Variants in NRG1 observed in about 807,000 individuals in gnomAD.
The protein encoded by NRG1 is neuregulin 1.
NRG1 carries 18 observed loss-of-function variants against 63.8 expected under a neutral mutation model. That is an observed-to-expected ratio of 0.28 (90% CI 0.19 to 0.42). The LOEUF (loss-of-function observed/expected upper bound fraction) is 0.42. Among genes scored for constraint, NRG1 ranks in the 10% least tolerant of loss-of-function variants. NRG1 has a pLI of 1.00. For missense variants in NRG1, 762 were observed against 814.7 expected, an observed-to-expected ratio of 0.94 and a Z score of 0.79; for synonymous variants, 302 against 301.3, an observed-to-expected ratio of 1.00 and a Z score of -0.02.
intron 1 of NRG1, among the ~76,000 whole-genome samples, chr8:32,236,357 C>T (rs1295512413): frequency 1.3e-5 from 2 of 152,132 alleles, no homozygotes; most frequent in Non-Finnish European, 2.9e-5. Context: ...CTGCTGCATA[C>T]AACTTCCTTC....
At chr8:32,592,297 T>A (rs1780883574) in intron 1 of NRG1, among the ~76,000 whole-genome samples, 1 of 152,186 alleles carries the variant, frequency 6.6e-6, no homozygotes, top group Non-Finnish European at 1.5e-5. Context: ...AATTTAACTT[T>A]GATACAATAT....
intron 1 of NRG1, among the ~76,000 whole-genome samples, chr8:32,501,239 A>G (rs985932361): frequency 2.0e-5 from 3 of 152,224 alleles, no homozygotes; most frequent in East Asian, 1.9e-4. Context: ...TTTCTCTGAC[A>G]TACAGGATTT....
intron 1 of NRG1, among the ~76,000 whole-genome samples, chr8:31,902,712 TTGG>T (rs1832188781): frequency 6.6e-6 from 1 of 152,346 alleles, no homozygotes; most frequent in African/African-American, 2.4e-5. Flanking sequence ...TACATGCTTC[TTGG>T]TGGGTTTTAA....
chr8:31,802,043 G>A (rs1482795714), intron 1 of NRG1, among the ~76,000 whole-genome samples: 1 of 152,054 alleles, frequency 6.6e-6, no homozygotes, highest in Non-Finnish European at 1.5e-5. Flanking sequence ...ATTCATCACC[G>A]GTATTAAACA....
intron 1 of NRG1, among the ~76,000 whole-genome samples, chr8:32,394,424 AC>A: frequency 6.6e-6 from 1 of 152,104 alleles, no homozygotes; most frequent in African/African-American, 2.4e-5. Flanking sequence ...TCTGTCACTA[AC>A]CTTTAGTCCC....
Position 31,828,383 on chromosome 8 carries a change from A to C in NRG1, c.37+188952A>C, listed in dbSNP as rs572011117. On this transcript the variant is annotated intron_variant, in intron 1 of 10. Coordinates refer to the NRG1 transcript ENST00000519301. ...TGACTGAGCTGGAGCCTGCAAAAGT[A>C]ACTGTAGTCAAATTAGTTACATTAA... Among the ~76,000 whole-genome samples the C allele has an allele frequency of 2.6e-5, 4 of 152,326 alleles. No individual in the cohort carries two copies. In the East Asian group the frequency reaches 5.8e-4, roughly 22 times the overall value.
intron 5 of NRG1, among the ~76,000 whole-genome samples, chr8:32,716,334 A>C (rs919027048): frequency 2.6e-5 from 4 of 152,204 alleles, no homozygotes; most frequent in Non-Finnish European, 4.4e-5. Flanking sequence ...TGAGGAACCG[A>C]ATTGGAAGAA....
At chr8:31,679,648 T>C (rs1320304650) in intron 1 of NRG1, among the ~76,000 whole-genome samples, 1 of 152,138 alleles carries the variant, frequency 6.6e-6, no homozygotes, top group Non-Finnish European at 1.5e-5. Flanking sequence ...TACAAACAAG[T>C]TAATACATCT....
intron 1 of NRG1, among the ~76,000 whole-genome samples, chr8:32,060,233 G>C (rs1256908470): frequency 6.7e-6 from 1 of 150,346 alleles, no homozygotes; most frequent in Non-Finnish European, 1.5e-5. Context: ...TATTATTCTT[G>C]CTGGTCTATT....
chr8:32,108,573 A>G (rs1170119295), intron 1 of NRG1, among the ~76,000 whole-genome samples: 1 of 152,116 alleles, frequency 6.6e-6, no homozygotes, highest in Non-Finnish European at 1.5e-5. Flanking sequence ...AGGGGGCATA[A>G]TCAAACCATA....
chr8:31,965,149 T>TAC (rs1207743763), intron 1 of NRG1, among the ~76,000 whole-genome samples: 3 of 152,220 alleles, frequency 2.0e-5, no homozygotes, highest in African/African-American at 7.2e-5. Flanking sequence ...TATATATATA[T>TAC]ACTACATTTT....
At chr8:32,356,482 C>CA (rs1554517233) in intron 1 of NRG1, among the ~76,000 whole-genome samples, 3 of 131,672 alleles carry the variant, frequency 2.3e-5, no homozygotes, top group Non-Finnish European at 4.9e-5. Flanking sequence ...GGACCCCCCC[C>CA]CCACCCGCCG....
intron 1 of NRG1, among the ~76,000 whole-genome samples, chr8:32,222,057 A>ACACACC (rs1273194143): frequency 1.1e-4 from 17 of 151,990 alleles, no homozygotes; most frequent in African/African-American, 3.4e-4. Flanking sequence ...ACACACACAC[A>ACACACC]CACACACATG....
rs73671964 is a variant in NRG1 at position 31,888,692 on chromosome 8, C to T, written c.37+249261C>T. 6.7e-3 allele frequency among the ~76,000 whole-genome samples: 1,020 copies of T among 151,352 alleles called. 10 individuals carry two copies. Among genetic ancestry groups the T allele is most frequent in the African/African-American group, 0.023 (944 of 41,236 alleles). ...CTGTTTTTTTTTATGAAAAGGAAAA[C>T]GATCAGCCACAATAATCTATAATAC... is the stretch of plus-strand genomic sequence containing the variant. On this transcript the variant is annotated intron_variant, in intron 1 of 10. Transcript: ENST00000519301.
chr8:31,683,381 G>T (rs1329715875), intron 1 of NRG1, among the ~76,000 whole-genome samples: 2 of 152,048 alleles, frequency 1.3e-5, no homozygotes, highest in Admixed American at 1.3e-4. Context: ...AAGAAGAAAT[G>T]AGCCATCACG....
intron 1 of NRG1, among the ~76,000 whole-genome samples, chr8:31,812,260 G>A (rs76230360): frequency 0.046 from 6,992 of 152,234 alleles, 557 homozygotes; most frequent in African/African-American, 0.16. Context: ...ATGCTAGCCT[G>A]TATGAGGGTC....
chr8:32,381,171 T>G (rs180925292), intron 1 of NRG1, among the ~76,000 whole-genome samples: 42 of 152,342 alleles, frequency 2.8e-4, no homozygotes, highest in African/African-American at 9.6e-4. Context: ...TTCGATTTCT[T>G]AAATATACCA....
intron 1 of NRG1, among the ~76,000 whole-genome samples, chr8:32,261,933 G>A (rs998182637): frequency 6.6e-6 from 1 of 152,112 alleles, no homozygotes; most frequent in African/African-American, 2.4e-5. Context: ...AGTTCTCTGA[G>A]CTATACTTGC....
intron 2 of NRG1, among the ~76,000 whole-genome samples, chr8:32,599,502 G>A (rs1254256332): frequency 1.3e-5 from 2 of 151,934 alleles, no homozygotes; most frequent in Non-Finnish European, 2.9e-5. Flanking sequence ...TTTTGCCCAC[G>A]GTCCTACTAA....
Sources: gnomAD v4.1 joint callset for allele counts (sites outside exome capture counted in the v4.1 genomes callset) on GRCh38, gnomAD v4.1.1 for gene constraint, MANE v1.5 for transcripts, NCBI Gene and HGNC (gene_info 2026-07-23, HGNC 2026-07-21) for gene names.